The following LIMCH1 variants were observed in gnomAD, a reference collection of about 807,000 sequenced individuals.
The protein encoded by LIMCH1 is LIM and calponin homology domains 1.
A neutral mutation model predicts 176.5 loss-of-function variants in LIMCH1; 113 were observed. The ratio of observed to expected loss-of-function variants is 0.64; its 90% CI spans 0.55 to 0.75. The LOEUF is 0.75. Among genes scored for constraint, LIMCH1 ranks in the 30% least tolerant of loss-of-function variants. The probability of loss-of-function intolerance (pLI) is 0.00; values close to 1 mark genes in which losing one functional copy is unlikely to be tolerated. For missense variants in LIMCH1, 1,674 were observed against 1,814.9 expected (o/e 0.92, Z 1.41); for synonymous variants, 619 against 645.9 (o/e 0.96, Z 0.63).
chr4:41,653,516 G>C (rs1362732269), intron 18 of LIMCH1, among the ~76,000 whole-genome samples: 1 of 152,176 alleles, frequency 6.6e-6, no homozygotes, highest in Non-Finnish European at 1.5e-5. Flanking sequence ...TTTTTAAATA[G>C]TGTCTTTCTT....
chr4:41,523,092 C>T (rs982406289), intron 2 of LIMCH1, among the ~76,000 whole-genome samples: 2 of 151,984 alleles, frequency 1.3e-5, no homozygotes, highest in African/African-American at 4.8e-5. Context: ...GGACATTTCT[C>T]AACATATGAA....
At chr4:41,522,427 G>A (rs2076212202) in intron 2 of LIMCH1, among the ~76,000 whole-genome samples, 1 of 151,824 alleles carries the variant, frequency 6.6e-6, no homozygotes, top group Non-Finnish European at 1.5e-5. Flanking sequence ...CTGGAGTCCT[G>A]TGGTACAAAG....
chr4:41,425,396 G>T (rs1265364599), intron 1 of LIMCH1, among the ~76,000 whole-genome samples: 1 of 152,106 alleles, frequency 6.6e-6, no homozygotes, highest in Non-Finnish European at 1.5e-5. Context: ...GCCCAGGCTG[G>T]AATGCAGTGG....
chr4:41,447,948 G>A (rs1241028392), intron 1 of LIMCH1, among the ~76,000 whole-genome samples: 2 of 152,060 alleles, frequency 1.3e-5, no homozygotes, highest in Admixed American at 6.6e-5. Context: ...GCACCACCAC[G>A]CCTGGCTAAT....
At chr4:41,497,805 C>CAAAAAAA (rs58720797) in intron 2 of LIMCH1, among the ~76,000 whole-genome samples, 34 of 140,470 alleles carry the variant, frequency 2.4e-4, no homozygotes, top group Non-Finnish European at 5.0e-4. Flanking sequence ...AACTTCGTCT[C>CAAAAAAA]AAAAAAAAAA....
At chr4:41,469,524 G>A (rs948763157) in intron 1 of LIMCH1, among the ~76,000 whole-genome samples, 2 of 152,116 alleles carry the variant, frequency 1.3e-5, no homozygotes, top group Non-Finnish European at 2.9e-5. Flanking sequence ...AGTGTCCAAG[G>A]CATGGCCAGC....
At chr4:41,638,234 G>A (rs1433546486) in intron 13 of LIMCH1, among the ~76,000 whole-genome samples, 1 of 151,886 alleles carries the variant, frequency 6.6e-6, no homozygotes. Context: ...TATCGCAGAG[G>A]GTACAACTTT....
intron 1 of LIMCH1, among the ~76,000 whole-genome samples, chr4:41,390,656 C>T (rs1332374680): frequency 1.3e-5 from 2 of 152,126 alleles, no homozygotes; most frequent in Admixed American, 1.3e-4. Flanking sequence ...TTGGACATTC[C>T]TAAAGTTTCC....
In LIMCH1 at chr4:41,662,864, C is replaced by T. The variant is rs769531201; in HGVS notation, c.3171C>T (p.Thr1057=). ...FTTTVTRCSP[T]VAFVEFPSSP... Reference sequence around the variant, plus strand: ...CAACTGTGACTCGATGCAGCCCGACCGTGGCCTTTGTGGAATTTCCCTCCA... The same window carrying T: ...CAACTGTGACTCGATGCAGCCCGACTGTGGCCTTTGTGGAATTTCCCTCCA... The change falls in exon 20 of 32, where the codon ACC becomes ACT. Residue 1057 remains threonine, a synonymous_variant. Coordinates refer to ENST00000503057, the MANE Select transcript of LIMCH1 (RefSeq NM_001330672.2). The T allele has an allele frequency of 7.7e-5, 124 of 1,613,900 alleles. No individual in the cohort carries two copies. Among genetic ancestry groups the T allele is most frequent in the South Asian group, 4.3e-4 (39 of 91,076 alleles).
chr4:41,533,620 A>T (rs985044692), upstream of LIMCH1, among the ~76,000 whole-genome samples: 5 of 152,220 alleles, frequency 3.3e-5, no homozygotes, highest in Non-Finnish European at 7.3e-5. Context: ...TTCAAGACAT[A>T]ATTCCTGCCT....
intron 1 of LIMCH1, among the ~76,000 whole-genome samples, chr4:41,482,253 A>G (rs545888299): frequency 6.6e-6 from 1 of 152,320 alleles, no homozygotes; most frequent in East Asian, 1.9e-4. Flanking sequence ...ACTACATGTA[A>G]AAATGTGAGT....
chr4:41,552,984 C>A (rs2080705907), intron 1 of LIMCH1, among the ~76,000 whole-genome samples: 1 of 152,124 alleles, frequency 6.6e-6, no homozygotes, highest in African/African-American at 2.4e-5. Context: ...CTATTCCAAT[C>A]CCCAAAAATC....
intron 1 of LIMCH1, among the ~76,000 whole-genome samples, chr4:41,559,425 C>A (rs1189574056): frequency 1.3e-5 from 2 of 152,178 alleles, no homozygotes; most frequent in South Asian, 4.1e-4. Context: ...ACATTTTCAA[C>A]CCCTCATCTT....
At chr4:41,442,500 A>G (rs939256394) in intron 1 of LIMCH1, among the ~76,000 whole-genome samples, 3 of 152,160 alleles carry the variant, frequency 2.0e-5, no homozygotes, top group Non-Finnish European at 4.4e-5. Flanking sequence ...GAGCAAATGG[A>G]TGAAGGAATT....
At chr4:41,620,295 G>GATT (rs2092462341) in intron 6 of LIMCH1, 129 bp from the exon 7 acceptor site, 4 of 893,226 alleles carry the variant, frequency 4.5e-6, no homozygotes, top group Admixed American at 2.9e-5. Context: ...ACATTATCAG[G>GATT]ATTATATTGT....
intron 5 of LIMCH1, among the ~76,000 whole-genome samples, chr4:41,615,453 A>C (rs1432187144): frequency 2.6e-5 from 4 of 152,204 alleles, no homozygotes; most frequent in Admixed American, 2.6e-4. Context: ...CTCCATCCAA[A>C]AAAACATGAA....
At chr4:41,503,493 C>G (rs548824259) in intron 2 of LIMCH1, among the ~76,000 whole-genome samples, 2 of 152,224 alleles carry the variant, frequency 1.3e-5, no homozygotes, top group South Asian at 2.1e-4. Flanking sequence ...GGACAGACAG[C>G]CTTTGGAACT....
At chr4:41,464,727 T>C (rs2154154920) in intron 1 of LIMCH1, among the ~76,000 whole-genome samples, 1 of 152,302 alleles carries the variant, frequency 6.6e-6, no homozygotes, top group South Asian at 2.1e-4. Context: ...CCCAGCATTG[T>C]CTGTTTTTTT....
intron 13 of LIMCH1, among the ~76,000 whole-genome samples, chr4:41,634,023 C>G (rs1714789996): frequency 6.6e-6 from 1 of 152,136 alleles, no homozygotes; most frequent in Non-Finnish European, 1.5e-5. Context: ...ACATTTTTTT[C>G]TGACTCTTGT....
Sources: gnomAD v4.1 joint callset for allele counts (sites outside exome capture counted in the v4.1 genomes callset) on GRCh38, gnomAD v4.1.1 for gene constraint, MANE v1.5 for transcripts, NCBI Gene and HGNC (gene_info 2026-07-23, HGNC 2026-07-21) for gene names.